Variants in NAA25 observed in about 807,000 individuals in gnomAD.
The protein encoded by NAA25 is N-terminal acetyltransferase B complex subunit NAA25.
NAA25 carries 30 observed loss-of-function variants against 132.5 expected under a neutral mutation model. That is an observed-to-expected ratio of 0.23 (90% confidence interval 0.17 to 0.31). NAA25 has a LOEUF of 0.31. Ranked by LOEUF, NAA25 falls within the 10% of genes least tolerant of loss-of-function variation. NAA25 has a pLI of 1.00. For synonymous variants in NAA25, 359 were observed against 401.9 expected, an observed-to-expected ratio of 0.89 and a Z score of 1.28; for missense variants, 771 against 1,150.4, an observed-to-expected ratio of 0.67 and a Z score of 4.77.
In NAA25 at chr12:112,062,053, C is replaced by T. The variant is rs941141; in HGVS notation, c.1150-665G>A. 0.042 allele frequency among the ~76,000 whole-genome samples: 6,430 copies of T among 152,158 alleles called. 1,222 individuals carry two copies. In the East Asian group the frequency reaches 0.61, roughly 14 times the overall value. The stretch of plus-strand genomic sequence containing the variant: ...TCTAGTTATGTATTTATTAAATACA[C>T]GCTTATTTCCTCTCACTTCTAAAAT... On this transcript the variant is annotated intron_variant, in intron 11 of 23. Coordinates refer to ENST00000261745, the MANE Select transcript of NAA25 (RefSeq NM_024953.4).
At chr12:112,042,919 A>G (rs1032854084) in intron 19 of NAA25, among the ~76,000 whole-genome samples, 169 bp downstream of exon 19, 2 of 152,252 alleles carry the variant, frequency 1.3e-5, no homozygotes, top group African/African-American at 4.8e-5. Flanking sequence ...CTAAAACATT[A>G]CTTTGTAACC....
At chr12:112,092,680 C>G (rs111535704) in intron 2 of NAA25, among the ~76,000 whole-genome samples, 20 of 149,470 alleles carry the variant, frequency 1.3e-4, no homozygotes, top group African/African-American at 3.4e-4. Context: ...TTTCTCCCCC[C>G]CCTTTTTTTT....
chr12:112,082,510 C>A (rs1442295448), intron 4 of NAA25, among the ~76,000 whole-genome samples: 19 of 150,570 alleles, frequency 1.3e-4, no homozygotes, highest in Admixed American at 1.3e-3. Flanking sequence ...GAGGTCAAGG[C>A]TACAGTGAGC....
In NAA25 at chr12:112,099,887, C is replaced by T. The variant is rs549845911; in HGVS notation, c.59-6751G>A. Among the ~76,000 whole-genome samples, 10 of 152,348 alleles carry T rather than the reference C, an allele frequency of 6.6e-5. No individual in the cohort carries two copies. The South Asian group carries it at 2.1e-3, about 32-fold the overall frequency. On this transcript the variant is annotated intron_variant, in intron 1 of 23. Transcript: ENST00000261745. ...GCTGAAATAGTATGCTCAGTTTCCACTTCCTACAAGAATTTCAGAGACTAT... is the reference window on the plus strand; with the variant it reads ...GCTGAAATAGTATGCTCAGTTTCCATTTCCTACAAGAATTTCAGAGACTAT...
intron 4 of NAA25, among the ~76,000 whole-genome samples, chr12:112,082,462 G>A (rs560388329): frequency 1.3e-5 from 2 of 151,614 alleles, no homozygotes; most frequent in East Asian, 1.9e-4. Flanking sequence ...CCCAGCTACT[G>A]GCAAGAGGCT....
At chr12:112,044,514 C>CA (rs941635077) in intron 17 of NAA25, among the ~76,000 whole-genome samples, 1 of 150,708 alleles carries the variant, frequency 6.6e-6, no homozygotes, top group Non-Finnish European at 1.5e-5. Flanking sequence ...ACTAAAAATA[C>CA]AAAAAATTAG....
intron 5 of NAA25, among the ~76,000 whole-genome samples, chr12:112,080,233 A>G (rs934621885): frequency 9.0e-5 from 13 of 143,880 alleles, no homozygotes; most frequent in African/African-American, 3.4e-4. Flanking sequence ...GTGAGCTGAG[A>G]TCGCGTCACT....
chr12:112,048,340 T>C lies in NAA25; in HGVS notation c.1832A>G (p.Gln611Arg), dbSNP rs2078418122. The change falls in exon 16 of 24, where the codon CAA (glutamine) becomes CGA (arginine). Residue 611 changes from glutamine (Q) to arginine (R), a missense_variant. Gln to Arg is a conservative substitution (Grantham distance 43, BLOSUM62 1). Around this residue, in one of 3 missense-constraint regions of NAA25, gnomAD observed 417 missense variants for 733.8 expected, o/e 0.57. Coordinates refer to ENST00000261745, the MANE Select transcript of NAA25 (RefSeq NM_024953.4). The part of the protein sequence containing the change: ...NRLNNSLHFA[Q>R]VRTERMLLDL... ...TAACAGCATCCGTTCAGTACGGACTTGTGCAAAATGAAGAGAATTATTCAG... is the reference window on the plus strand; with the variant it reads ...TAACAGCATCCGTTCAGTACGGACTCGTGCAAAATGAAGAGAATTATTCAG... The C allele has an allele frequency of 6.2e-7, 1 of 1,614,158 alleles. No individual in the cohort carries two copies. The highest frequency in any genetic ancestry group is 8.5e-7 in the Non-Finnish European group (1 of 1,180,018).
intron 19 of NAA25, 183 bp from the exon 20 acceptor site, chr12:112,042,287 A>G: frequency 3.0e-6 from 1 of 331,190 alleles, no homozygotes. Flanking sequence ...GGAAGAATAA[A>G]AAGAAAGGCA....
rs150800747 is a variant in NAA25 at position 112,099,901 on chromosome 12, T to A, written c.59-6765A>T. ...CTCAGTTTCCACTTCCTACAAGAAT[T>A]TCAGAGACTATTAAAGATATTGCCA... On this transcript the variant is annotated intron_variant, in intron 1 of 23. Coordinates refer to ENST00000261745, the MANE Select transcript of NAA25 (RefSeq NM_024953.4). 3.9e-4 allele frequency among the ~76,000 whole-genome samples: 59 copies of A among 152,310 alleles called. No homozygotes were observed. The East Asian group carries it at 0.011, about 27-fold the overall frequency.
At chr12:112,073,500 G>A (rs1447119443) in intron 9 of NAA25, among the ~76,000 whole-genome samples, 3 of 152,030 alleles carry the variant, frequency 2.0e-5, no homozygotes, top group African/African-American at 7.2e-5. Context: ...GCAGTGGCAC[G>A]ATCTCGGCTC....
chr12:112,067,219 A>C (rs77279076), intron 11 of NAA25, among the ~76,000 whole-genome samples: 2,350 of 152,234 alleles, frequency 0.015, 72 homozygotes, highest in African/African-American at 0.053. Context: ...AAAAAGAAAC[A>C]AAGAAACAAG....
At chr12:112,041,191 C>CTT (rs199938023) in intron 20 of NAA25, among the ~76,000 whole-genome samples, 9 of 142,448 alleles carry the variant, frequency 6.3e-5, no homozygotes, top group Non-Finnish European at 7.7e-5. Context: ...TAAAAAGACA[C>CTT]TTTTTTTTTT....
intron 4 of NAA25, 80 bp downstream of exon 4, chr12:112,087,603 A>C: frequency 1.1e-6 from 1 of 896,820 alleles, no homozygotes; most frequent in Non-Finnish European, 1.8e-6. Context: ...ACACATACCC[A>C]GTGCAGTTAA....
At chr12:112,039,756 T>C (rs190134144) in intron 21 of NAA25, 62 of 163,018 alleles carry the variant, frequency 3.8e-4, no homozygotes, top group Admixed American at 2.1e-3. Context: ...CCACCTTACC[T>C]GCAAATCTTA....
rs753619471 is a variant in NAA25, at chr12:112,078,273, G to GA, written c.586-8dup. On this transcript the variant is annotated splice_region_variant and splice_polypyrimidine_tract_variant and intron_variant, in intron 6 of 23. Transcript: ENST00000261745. ...TCATATAATAAAGTTCAACCTTACA[G>GA]AAAAAAAACAAGAAGTGCAACCTCT... is the stretch of plus-strand genomic sequence containing the variant. 1.0e-4 allele frequency: 162 copies of GA among 1,590,916 alleles called. No homozygotes were observed. The highest frequency in any genetic ancestry group is 2.7e-4 in the Admixed American group (15 of 56,342).
chr12:112,040,587 A>T lies in NAA25; in HGVS notation c.2441-9T>A. ...ACATTTACTGAAGACATCTGAAAAC[A>T]AAAAACATTTTAGTTTTATTCAGCT... On this transcript the variant is annotated splice_polypyrimidine_tract_variant and intron_variant, in intron 20 of 23. Coordinates refer to ENST00000261745, the MANE Select transcript of NAA25 (RefSeq NM_024953.4). 6.7e-7 allele frequency: 1 copy of T among 1,486,750 alleles called. No homozygotes were observed. Among genetic ancestry groups the T allele is most frequent in the Non-Finnish European group, 9.3e-7 (1 of 1,079,224 alleles). The allele number at this position is 1,486,750 out of a possible 1,614,324, so 92.1% of individuals were successfully genotyped here.
At chr12:112,083,526 T>C (rs1194959339) in intron 4 of NAA25, among the ~76,000 whole-genome samples, 1 of 149,600 alleles carries the variant, frequency 6.7e-6, no homozygotes, top group South Asian at 2.1e-4. Flanking sequence ...AAACCCCATC[T>C]CAAAGAAAAA....
At chr12:112,055,376 CAA>C (rs753661774) in intron 13 of NAA25, among the ~76,000 whole-genome samples, 2 of 151,884 alleles carry the variant, frequency 1.3e-5, no homozygotes, top group Non-Finnish European at 2.9e-5. Flanking sequence ...AAAATATGCA[CAA>C]AGAGAGAGAG....
Sources: allele counts gnomAD v4.1 joint callset (sites outside exome capture counted in the v4.1 genomes callset), GRCh38; gene constraint gnomAD v4.1.1; regional missense constraint gnomAD v4.1.1; transcripts MANE v1.5; gene names NCBI Gene and HGNC (gene_info 2026-07-23, HGNC 2026-07-21).